RBFOX1: variants seen among roughly 807,000 people sequenced by gnomAD.
The protein encoded by RBFOX1 is RNA binding protein fox-1 homolog 1.
RBFOX1 carries 8 observed loss-of-function variants against 57.7 expected under a neutral mutation model. The observed-to-expected ratio is 0.14, with a 90% confidence interval of 0.08 to 0.25. RBFOX1 has a LOEUF of 0.25. RBFOX1 is among the 10% of genes least tolerant of loss of function. RBFOX1 has a pLI of 1.00. For synonymous variants in RBFOX1, 326 were observed against 222.4 expected (o/e 1.47, Z -4.15); for missense variants, 611 against 548.5 (o/e 1.11, Z -1.14).
chr16:5,343,298 GT>G lies in RBFOX1; in HGVS notation c.219+103213del, dbSNP rs33934959. Among the ~76,000 whole-genome samples, 186 of 109,956 alleles carry G rather than the reference GT, an allele frequency of 1.7e-3. 3 individuals are homozygous for G. The highest frequency in any genetic ancestry group is 5.5e-3 in the African/African-American group (164 of 30,008). The allele number at this position is 109,956 out of a possible 152,430, so 72.1% of individuals were successfully genotyped here. On this transcript the variant is annotated intron_variant, in intron 1 of 2. Transcript: ENST00000585867. ...CCTTTAAAACTTTCACTTCTTTGAA[GT>G]TTTTTTTTTTTTTTTTTTTGGTTTT...
chr16:6,303,053 T>A (rs2079011701), intron 1 of RBFOX1, among the ~76,000 whole-genome samples: 1 of 152,174 alleles, frequency 6.6e-6, no homozygotes, highest in Non-Finnish European at 1.5e-5. Flanking sequence ...TTCTTATTCT[T>A]AAAGATAACT....
intron 2 of RBFOX1, among the ~76,000 whole-genome samples, chr16:6,641,500 C>T (rs908188602): frequency 6.6e-6 from 1 of 151,850 alleles, no homozygotes; most frequent in African/African-American, 2.4e-5. Flanking sequence ...TTTGGGAGGC[C>T]GAGGCGGGCA....
At chr16:6,562,811 G>A (rs1302073629) in intron 2 of RBFOX1, among the ~76,000 whole-genome samples, 1 of 144,992 alleles carries the variant, frequency 6.9e-6, no homozygotes, top group Non-Finnish European at 1.5e-5. Context: ...GTAAGCAACT[G>A]CAGGCCTTGA....
chr16:7,536,598 AAATAAT>A, intron 5 of RBFOX1, among the ~76,000 whole-genome samples: 1 of 152,302 alleles, frequency 6.6e-6, no homozygotes, highest in East Asian at 1.9e-4. Flanking sequence ...CGTCTCAAAA[AAATAAT>A]AATAATTAAT....
intron 14 of RBFOX1, among the ~76,000 whole-genome samples, chr16:7,697,547 T>TA (rs2079177480): frequency 6.6e-6 from 1 of 152,168 alleles, no homozygotes; most frequent in Non-Finnish European, 1.5e-5. Flanking sequence ...CATGCATATG[T>TA]ATGATAAACT....
chr16:5,493,142 C>T (rs2042889006), intron 2 of RBFOX1, among the ~76,000 whole-genome samples: 1 of 152,226 alleles, frequency 6.6e-6, no homozygotes, highest in African/African-American at 2.4e-5. Flanking sequence ...AGTGTGTTGA[C>T]ACCTTACTTA....
chr16:5,279,908 C>G (rs963952835), intron 1 of RBFOX1, among the ~76,000 whole-genome samples: 4 of 152,158 alleles, frequency 2.6e-5, no homozygotes, highest in African/African-American at 7.2e-5. Flanking sequence ...TTCCTCTTGT[C>G]CAGTTTGGAT....
chr16:6,890,245 A>G (rs2065087250), intron 3 of RBFOX1, among the ~76,000 whole-genome samples: 1 of 152,190 alleles, frequency 6.6e-6, no homozygotes, highest in Non-Finnish European at 1.5e-5. Flanking sequence ...GAGGGTGGGC[A>G]TGGTAGCTCA....
intron 4 of RBFOX1, among the ~76,000 whole-genome samples, chr16:7,117,536 A>G (rs2066179454): frequency 6.6e-6 from 1 of 152,172 alleles, no homozygotes; most frequent in African/African-American, 2.4e-5. Context: ...GTGTGAGTTT[A>G]GGAAAATCTA....
intron 4 of RBFOX1, among the ~76,000 whole-genome samples, chr16:7,477,258 C>T (rs368436711): frequency 2.0e-5 from 3 of 152,180 alleles, no homozygotes; most frequent in African/African-American, 7.2e-5. Flanking sequence ...TATGGTTCAT[C>T]CACCGGCAAT....
intron 3 of RBFOX1, among the ~76,000 whole-genome samples, chr16:6,965,373 T>A (rs1010319574): frequency 6.7e-6 from 1 of 149,832 alleles, no homozygotes; most frequent in Non-Finnish European, 1.5e-5. Flanking sequence ...GATGGAGTCT[T>A]GGTCTGTTTC....
intron 3 of RBFOX1, among the ~76,000 whole-genome samples, chr16:6,670,131 A>G (rs144754565): frequency 6.6e-6 from 1 of 152,140 alleles, no homozygotes; most frequent in Non-Finnish European, 1.5e-5. Context: ...AAGTAGTTAT[A>G]TAGTACCAAG....
At chr16:6,180,198 A>G (rs189771157) in intron 1 of RBFOX1, among the ~76,000 whole-genome samples, 1 of 152,210 alleles carries the variant, frequency 6.6e-6, no homozygotes, top group Admixed American at 6.5e-5. Flanking sequence ...AGGTGTTAGT[A>G]ATAATTCTTC....
chr16:5,949,442 C>A (rs908817052), intron 4 of RBFOX1, among the ~76,000 whole-genome samples: 1 of 143,620 alleles, frequency 7.0e-6, no homozygotes, highest in Non-Finnish European at 1.5e-5. Context: ...AGGAGAATGA[C>A]GTGAACCCGG....
At chr16:5,628,286 C>A (rs978800089) in intron 3 of RBFOX1, among the ~76,000 whole-genome samples, 1 of 152,166 alleles carries the variant, frequency 6.6e-6, no homozygotes, top group Non-Finnish European at 1.5e-5. Context: ...AAATGGTGAT[C>A]CTACCTGTGA....
chr16:5,913,394 G>T (rs1446156916), intron 4 of RBFOX1, among the ~76,000 whole-genome samples: 2 of 152,148 alleles, frequency 1.3e-5, no homozygotes, highest in East Asian at 3.8e-4. Flanking sequence ...TTTGGGTGAT[G>T]GGGGGCAGTT....
At chr16:6,582,784 T>C (rs2153976152) in intron 2 of RBFOX1, among the ~76,000 whole-genome samples, 2 of 151,310 alleles carry the variant, frequency 1.3e-5, no homozygotes, top group Admixed American at 1.3e-4. Context: ...CCTCTTTCCC[T>C]TCCCTCCCCT....
chr16:6,270,908 ACATTTGGC>A (rs1404731686), intron 1 of RBFOX1, among the ~76,000 whole-genome samples: 4 of 152,224 alleles, frequency 2.6e-5, no homozygotes, highest in Non-Finnish European at 4.4e-5. Flanking sequence ...GAATCTGCAA[ACATTTGGC>A]CACTAGACAG....
intron 4 of RBFOX1, among the ~76,000 whole-genome samples, chr16:5,979,326 A>G (rs1288863020): frequency 6.6e-6 from 1 of 152,058 alleles, no homozygotes; most frequent in African/African-American, 2.4e-5. Flanking sequence ...TGAATGGGAG[A>G]CTCGGATTGT....
Sources: allele counts gnomAD v4.1 joint callset (sites outside exome capture counted in the v4.1 genomes callset), GRCh38; gene constraint gnomAD v4.1.1; transcripts MANE v1.5; gene names NCBI Gene and HGNC (gene_info 2026-07-23, HGNC 2026-07-21).